The following POLR1A variants were observed in gnomAD, a reference collection of about 807,000 sequenced individuals.
POLR1A encodes DNA-directed RNA polymerase I subunit RPA1.
Under a neutral mutation model 205.3 loss-of-function variants are expected in POLR1A, and 84 were observed. The observed-to-expected ratio is 0.41, with a 90% CI of 0.34 to 0.49. POLR1A has a LOEUF of 0.49. POLR1A is among the 20% of genes least tolerant of loss of function. The probability of loss-of-function intolerance (pLI) is 0.22; values close to 1 mark genes in which losing one functional copy is unlikely to be tolerated. For synonymous variants in POLR1A, 799 were observed against 863.7 expected (o/e 0.93, Z 1.31); for missense variants, 1,645 against 2,204.5 (o/e 0.75, Z 5.08).
At chr2:86,032,562 C>T (rs779331303) in intron 28 of POLR1A, among the ~76,000 whole-genome samples, 180 bp from the exon 29 acceptor site, 1 of 152,226 alleles carries the variant, frequency 6.6e-6, no homozygotes, top group East Asian at 1.9e-4. Context: ...GGCATCTACT[C>T]TGTCCAGTCC....
intron 12 of POLR1A, among the ~76,000 whole-genome samples, chr2:86,071,561 G>C (rs1029060081): frequency 6.6e-6 from 1 of 152,150 alleles, no homozygotes; most frequent in African/African-American, 2.4e-5. Context: ...TATTGAACAA[G>C]TGCTATGCTC....
intron 14 of POLR1A, among the ~76,000 whole-genome samples, chr2:86,054,781 C>A (rs150240421): frequency 6.6e-6 from 1 of 152,190 alleles, no homozygotes; most frequent in African/African-American, 2.4e-5. Context: ...CCAAGAGAAG[C>A]GCTTTCTCAA....
intron 3 of POLR1A, among the ~76,000 whole-genome samples, chr2:86,096,895 A>G (rs1673714313): frequency 6.6e-6 from 1 of 152,182 alleles, no homozygotes; most frequent in Non-Finnish European, 1.5e-5. Flanking sequence ...GCTTCTGCAC[A>G]ACAAAGTAGT....
intron 14 of POLR1A, 98 bp from the exon 15 acceptor site, chr2:86,054,387 T>TAGGACCTC (rs1672859394): frequency 8.1e-7 from 1 of 1,239,726 alleles, no homozygotes; most frequent in Non-Finnish European, 1.1e-6. Context: ...ACTTCCCTTT[T>TAGGACCTC]AGGACCTCCT....
In POLR1A at chr2:86,028,568, G is replaced by A. The variant is rs1258679165; in HGVS notation, c.4897+26C>T. ...TGTCCTGGCTGGTGCCCAGACCTCG[G>A]GGTGTTATCTGCAAGCTCCCCTTAC... is the stretch of plus-strand genomic sequence containing the variant. On this transcript the variant is annotated intron_variant, in intron 32 of 33. Coordinates refer to ENST00000263857, the MANE Select transcript of POLR1A (RefSeq NM_015425.6). The surrounding 1 kb of genome is among the most constrained non-coding windows in gnomAD (Gnocchi z 4.5). 3 of 1,544,880 alleles carry A rather than the reference G, an allele frequency of 1.9e-6. No homozygotes were observed. Among genetic ancestry groups the A allele is most frequent in the South Asian group, 1.1e-5 (1 of 89,702 alleles).
chr2:86,044,093 G>A (rs1015059611), intron 22 of POLR1A, 46 bp downstream of exon 22: 2 of 1,593,852 alleles, frequency 1.3e-6, no homozygotes, highest in Non-Finnish European at 1.7e-6. Context: ...CCTCGGTGGG[G>A]GAGGCCTACT....
chr2:86,034,957 G>A lies in POLR1A; in HGVS notation c.4035-1170C>T, dbSNP rs558476310. On this transcript the variant is annotated intron_variant, in intron 27 of 33. Transcript: ENST00000263857. ...GCGACCTCGGCTCACTGCAACCTCC[G>A]CCTCCCGGATTCAAACGATTCTCAT... Among the ~76,000 whole-genome samples, 101 of 151,894 alleles carry A rather than the reference G, an allele frequency of 6.6e-4. 1 individual carries two copies. Among genetic ancestry groups the A allele is most frequent in the Admixed American group, 2.2e-3 (33 of 15,282 alleles).
rs754448752 is a variant in POLR1A, at chr2:86,081,706, C to A, written c.818G>T (p.Gly273Val). 4.4e-6 allele frequency: 7 copies of A among 1,585,456 alleles called. No homozygotes were observed. The highest frequency in any genetic ancestry group is 6.0e-6 in the Non-Finnish European group (7 of 1,157,132). Residue 273 changes from glycine (G) to valine (V), a missense_variant and splice_region_variant, in exon 8 of 34, where the codon GGA becomes GTA. By Grantham distance (109) the Gly-to-Val change is moderately radical. Coordinates refer to ENST00000263857, the MANE Select transcript of POLR1A (RefSeq NM_015425.6). ...EHLSALWKNEGFFLNYLFSGM... is the reference protein window; with the variant it reads ...EHLSALWKNEVFFLNYLFSGM... ...CGAAAAAAGGTAGTTCAGAAAGAAT[C>A]CTGCGTTGGAAAGAAATAAACCAAG...
At chr2:86,079,376 G>T (rs1017296059) in intron 9 of POLR1A, among the ~76,000 whole-genome samples, 1 of 152,136 alleles carries the variant, frequency 6.6e-6, no homozygotes, top group African/African-American at 2.4e-5. Flanking sequence ...TCTCACTGGA[G>T]TATCCCCAAT....
Position 86,021,100 on chromosome 2 carries a change from C to G in POLR1A, c.*6323G>C, listed in dbSNP as rs984035756. On this transcript the variant is annotated 3_prime_UTR_variant, in exon 34 of 34. Coordinates refer to ENST00000263857, the MANE Select transcript of POLR1A (RefSeq NM_015425.6). ...GATTGGCTGAACGCACGTGGAACAT[C>G]AGGTTCATGTTTCCAAGCAAGAATC... is the stretch of plus-strand genomic sequence containing the variant. 1 of 152,200 alleles carries G rather than the reference C, an allele frequency of 6.6e-6. No individual in the cohort carries two copies. The highest frequency in any genetic ancestry group is 2.4e-5 in the African/African-American group (1 of 41,426). 9.4% of individuals were successfully genotyped at this position (152,200 alleles called of 1,614,324 possible).
intron 12 of POLR1A, among the ~76,000 whole-genome samples, chr2:86,072,089 C>T (rs560293789): frequency 6.6e-6 from 1 of 152,318 alleles, no homozygotes; most frequent in African/African-American, 2.4e-5. Flanking sequence ...ACTCTCTCCC[C>T]GATTCCTGTT....
chr2:86,065,503 T>C (rs77343489), intron 13 of POLR1A, 38 bp from the exon 14 acceptor site: 2,027 of 1,579,178 alleles, frequency 1.3e-3, no homozygotes, highest in Non-Finnish European at 1.6e-3. Flanking sequence ...AGAATGAAAA[T>C]AAATCTTAAG....
chr2:86,076,971 C>T (rs1338012151), intron 11 of POLR1A, among the ~76,000 whole-genome samples: 1 of 152,204 alleles, frequency 6.6e-6, no homozygotes, highest in African/African-American at 2.4e-5. Flanking sequence ...GGGTACAGGA[C>T]TGGGCCTTCT....
chr2:86,085,961 C>T (rs1673497124), intron 6 of POLR1A, among the ~76,000 whole-genome samples: 1 of 152,176 alleles, frequency 6.6e-6, no homozygotes, highest in Admixed American at 6.5e-5. Flanking sequence ...ACATGGAGCA[C>T]AGGGAGCGCA....
chr2:86,065,307 G>A lies in POLR1A; in HGVS notation c.2025C>T (p.Ile675=), dbSNP rs760554811. 3 of 1,614,024 alleles carry A rather than the reference G, an allele frequency of 1.9e-6. No individual in the cohort carries two copies. The highest frequency in any genetic ancestry group is 2.5e-6 in the Non-Finnish European group (3 of 1,180,030). Residue 675 remains isoleucine (I), a synonymous_variant, in exon 14 of 34, where the codon ATC becomes ATT. Coordinates refer to ENST00000263857, the MANE Select transcript of POLR1A (RefSeq NM_015425.6). ...VGRVKLLSPS[I]LKPFPLWTGK... is the part of the protein sequence containing the mutation. ...CTGTCCACAGCGGAAAGGGCTTCAGGATGGAAGGAGAAAGGAGCTTCACGC... is the reference window on the plus strand; with the variant it reads ...CTGTCCACAGCGGAAAGGGCTTCAGAATGGAAGGAGAAAGGAGCTTCACGC...
intron 14 of POLR1A, among the ~76,000 whole-genome samples, chr2:86,058,730 TA>T (rs1672945225): frequency 6.6e-6 from 1 of 151,862 alleles, no homozygotes; most frequent in Non-Finnish European, 1.5e-5. Context: ...GTATTAACCT[TA>T]AAAAAAGTCT....
At chr2:86,030,466 C>T in intron 30 of POLR1A, 70 bp from the exon 31 acceptor site, 2 of 1,173,360 alleles carry the variant, frequency 1.7e-6, no homozygotes, top group Non-Finnish European at 2.5e-6. Flanking sequence ...TGAGGCGAGA[C>T]TCCTTCAAAA....
chr2:86,097,417 G>C (rs1673725301), intron 3 of POLR1A, among the ~76,000 whole-genome samples: 1 of 151,914 alleles, frequency 6.6e-6, no homozygotes, highest in Non-Finnish European at 1.5e-5. Context: ...AAAGAAATTG[G>C]TATATCAAAG....
At chr2:86,058,389 T>C (rs946329173) in intron 14 of POLR1A, among the ~76,000 whole-genome samples, 3 of 142,874 alleles carry the variant, frequency 2.1e-5, no homozygotes, top group African/African-American at 7.9e-5. Context: ...GTGAGCCACC[T>C]CACCCAGCCT....
Sources: gnomAD v4.1 joint callset for allele counts (sites outside exome capture counted in the v4.1 genomes callset) on GRCh38, gnomAD v4.1.1 for gene constraint, Gnocchi (gnomAD v3.1) non-coding constraint, MANE v1.5 for transcripts, NCBI Gene and HGNC (gene_info 2026-07-23, HGNC 2026-07-21) for gene names.